SLC5A12: variants seen among roughly 807,000 people sequenced by gnomAD.
The protein encoded by SLC5A12 is solute carrier family 5 member 12.
In SLC5A12, 46 loss-of-function variants were observed where a neutral mutation model predicts 72.7. The observed-to-expected ratio is 0.63, with a 90% CI of 0.50 to 0.81. SLC5A12 has a LOEUF of 0.81. Among genes scored for constraint, SLC5A12 ranks in the 30% least tolerant of loss-of-function variants. SLC5A12 has a pLI of 0.00. For missense variants in SLC5A12, 683 were observed against 740.7 expected, an observed-to-expected ratio of 0.92 and a Z score of 0.90; for synonymous variants, 275 against 264.4, an observed-to-expected ratio of 1.04 and a Z score of -0.39.
chr11:26,714,646 T>C (rs1485133763), intron 1 of SLC5A12, among the ~76,000 whole-genome samples: 1 of 152,182 alleles, frequency 6.6e-6, no homozygotes, highest in East Asian at 1.9e-4. Context: ...TACTTGATAG[T>C]AGTTCTTTCT....
intron 1 of SLC5A12, among the ~76,000 whole-genome samples, chr11:26,713,411 G>T (rs918105269): frequency 1.3e-5 from 2 of 151,000 alleles, no homozygotes; most frequent in African/African-American, 4.9e-5. Flanking sequence ...CAATATAAGA[G>T]CCCCTCTCCC....
chr11:26,675,939 GTATC>G (rs200937479), intron 13 of SLC5A12, among the ~76,000 whole-genome samples: 1,788 of 150,092 alleles, frequency 0.012, 35 homozygotes, highest in African/African-American at 0.041. Flanking sequence ...GAGTGTGTGT[GTATC>G]TATCTGTGTG....
At chr11:26,679,613 A>T (rs1854343110) in intron 12 of SLC5A12, among the ~76,000 whole-genome samples, 1 of 152,118 alleles carries the variant, frequency 6.6e-6, no homozygotes, top group African/African-American at 2.4e-5. Flanking sequence ...AGTGGAAATG[A>T]ACACTAAAAT....
In SLC5A12 at chr11:26,678,620, T is replaced by G. The variant is rs951655701; in HGVS notation, c.1579+92A>C. ...GGAAGAAGGGTTTTTGTGGGAAACG[T>G]GAATTCAAAGCAATAAGACAGACAG... On this transcript the variant is annotated intron_variant, in intron 13 of 14. Coordinates refer to ENST00000396005, the MANE Select transcript of SLC5A12 (RefSeq NM_178498.4). 3.0e-4 allele frequency: 279 copies of G among 918,766 alleles called. 2 individuals carry two copies. The East Asian group carries it at 6.8e-3, about 22-fold the overall frequency. The allele number at this position is 918,766 out of a possible 1,614,324, so 56.9% of individuals were successfully genotyped here. A position where few individuals can be genotyped will look rare whatever the true frequency, so the allele number is the denominator to read the frequency against.
Position 26,698,094 on chromosome 11 carries a change from T to G in SLC5A12, c.951+312A>C, listed in dbSNP as rs558047778. ...TGTACTTTTAGTAGAGACGATATTT[T>G]GCCGTGTTGGCCAGACTGGTCTCGA... On this transcript the variant is annotated intron_variant, in intron 7 of 14. Coordinates refer to ENST00000396005, the MANE Select transcript of SLC5A12 (RefSeq NM_178498.4). Among the ~76,000 whole-genome samples the G allele has an allele frequency of 3.3e-5, 5 of 151,870 alleles. No homozygotes were observed. The East Asian group carries it at 7.8e-4, about 24-fold the overall frequency.
intron 9 of SLC5A12, among the ~76,000 whole-genome samples, chr11:26,690,388 A>G (rs1215030599): frequency 6.6e-6 from 1 of 152,072 alleles, no homozygotes; most frequent in Non-Finnish European, 1.5e-5. Flanking sequence ...AATTAAAGAA[A>G]ATAAGTATAC....
chr11:26,713,456 A>T (rs1042283274), intron 1 of SLC5A12, among the ~76,000 whole-genome samples: 2 of 152,160 alleles, frequency 1.3e-5, no homozygotes, highest in East Asian at 3.9e-4. Context: ...CTGTCAATAG[A>T]TGGAAGGAAA....
chr11:26,689,612 C>T (rs1241904884), intron 9 of SLC5A12, among the ~76,000 whole-genome samples: 2 of 151,926 alleles, frequency 1.3e-5, no homozygotes, highest in East Asian at 1.9e-4. Context: ...TGTATGCATT[C>T]GTCAATACTC....
chr11:26,719,886 T>G (rs926679793), intron 1 of SLC5A12, among the ~76,000 whole-genome samples: 1 of 152,180 alleles, frequency 6.6e-6, no homozygotes, highest in Non-Finnish European at 1.5e-5. Flanking sequence ...AAAGTTAGAC[T>G]GCCTGGTTTG....
At chr11:26,696,990 A>C (rs1475824179) in intron 8 of SLC5A12, among the ~76,000 whole-genome samples, 174 bp downstream of exon 8, 1 of 152,222 alleles carries the variant, frequency 6.6e-6, no homozygotes, top group Non-Finnish European at 1.5e-5. Context: ...TATACTGATG[A>C]TGAGTAAAAT....
At chr11:26,685,066 C>T (rs961706391) in intron 10 of SLC5A12, among the ~76,000 whole-genome samples, 3 of 152,146 alleles carry the variant, frequency 2.0e-5, no homozygotes, top group African/African-American at 7.2e-5. Context: ...GAAAGGACAT[C>T]ATGTCCCACA....
chr11:26,712,011 T>C (rs907958451), intron 2 of SLC5A12, among the ~76,000 whole-genome samples: 4 of 152,066 alleles, frequency 2.6e-5, no homozygotes, highest in African/African-American at 9.7e-5. Context: ...TTTTCCTCCA[T>C]TTGCTTGCCT....
rs768754427 is a variant in SLC5A12, at chr11:26,671,273, A to G, written c.1708-22T>C. On this transcript the variant is annotated intron_variant, in intron 14 of 14. Coordinates refer to ENST00000396005, the MANE Select transcript of SLC5A12 (RefSeq NM_178498.4). ...TTTCCTGAGGGAAATACAAAGACAC[A>G]TATTAGCAAGATATCCTTGATGTAC... The G allele has an allele frequency of 5.0e-5, 79 of 1,569,478 alleles. No homozygotes were observed. In the Middle Eastern group the frequency reaches 5.1e-4, roughly 10 times the overall value.
At chr11:26,678,017 G>A (rs1854304194) in intron 13 of SLC5A12, among the ~76,000 whole-genome samples, 1 of 152,114 alleles carries the variant, frequency 6.6e-6, no homozygotes, top group African/African-American at 2.4e-5. Context: ...ACATCAAAAG[G>A]GCAAGTATGG....
rs1854073298 is a variant in SLC5A12, at chr11:26,669,187, T to TCTTTCTTTCTTTCTTTCTTTCTTTCTTTC, written c.*1914_*1915insGAAAGAAAGAAAGAAAGAAAGAAAGAAAG. The TCTTTCTTTCTTTCTTTCTTTCTTTCTTTC allele has an allele frequency of 4.5e-5, 5 of 111,002 alleles. No individual in the cohort carries two copies. The highest frequency in any genetic ancestry group is 2.8e-4 in the Admixed American group (3 of 10,752). 6.9% of individuals were successfully genotyped at this position (111,002 alleles called of 1,614,324 possible). A position where few individuals can be genotyped will look rare whatever the true frequency, so the allele number is the denominator to read the frequency against. ...TGTCTTTTTCTTTCTTTCTTTCTTC[T>TCTTTCTTTCTTTCTTTCTTTCTTTCTTTC]TTTCTTTCTTTCTTTCTTTCTTTCT... On this transcript the variant is annotated 3_prime_UTR_variant, in exon 15 of 15. Transcript: ENST00000396005.
intron 1 of SLC5A12, among the ~76,000 whole-genome samples, chr11:26,714,154 C>A (rs1329317459): frequency 1.3e-5 from 2 of 151,940 alleles, no homozygotes; most frequent in East Asian, 1.9e-4. Flanking sequence ...AGGGATTACA[C>A]CTGGATATAT....
chr11:26,695,810 T>G (rs962037239), intron 8 of SLC5A12, among the ~76,000 whole-genome samples: 1 of 152,164 alleles, frequency 6.6e-6, no homozygotes, highest in Non-Finnish European at 1.5e-5. Flanking sequence ...AGGCTTGTTG[T>G]GATCTGATCC....
At chr11:26,686,969 A>G (rs945625856) in intron 9 of SLC5A12, among the ~76,000 whole-genome samples, 1 of 152,198 alleles carries the variant, frequency 6.6e-6, no homozygotes, top group African/African-American at 2.4e-5. Flanking sequence ...CATCTTAACA[A>G]TGGTTAAATA....
Position 26,669,834 on chromosome 11 carries a change from T to C in SLC5A12, c.*1268A>G, listed in dbSNP as rs1854098153. 6.6e-6 allele frequency: 1 copy of C among 152,124 alleles called. No homozygotes were observed. The highest frequency in any genetic ancestry group is 2.4e-5 in the African/African-American group (1 of 41,446). The allele number at this position is 152,124 out of a possible 1,614,324, so 9.4% of individuals were successfully genotyped here. On this transcript the variant is annotated 3_prime_UTR_variant, in exon 15 of 15. Coordinates refer to ENST00000396005, the MANE Select transcript of SLC5A12 (RefSeq NM_178498.4). Reference sequence around the variant, plus strand: ...TGCTAACACACTGTTTCTAGGCCTTTTGCTTTTATCTGGCCACCAAAATAA... The same window carrying C: ...TGCTAACACACTGTTTCTAGGCCTTCTGCTTTTATCTGGCCACCAAAATAA...
Sources: gnomAD v4.1 joint callset for allele counts (sites outside exome capture counted in the v4.1 genomes callset) on GRCh38, gnomAD v4.1.1 for gene constraint, MANE v1.5 for transcripts, NCBI Gene and HGNC (gene_info 2026-07-23, HGNC 2026-07-21) for gene names.